Variants in CDH1 observed in about 807,000 individuals in gnomAD.
CDH1 encodes cadherin-1.
Under a neutral mutation model 84.5 loss-of-function variants are expected in CDH1, and 35 were observed. That is an observed-to-expected ratio of 0.41 (90% CI 0.32 to 0.55). CDH1 has a LOEUF of 0.55. CDH1 is among the 20% of genes least tolerant of loss of function. The probability of loss-of-function intolerance (pLI) is 0.19; values close to 1 mark genes in which losing one functional copy is unlikely to be tolerated. For synonymous variants in CDH1, 417 were observed against 439.0 expected, an observed-to-expected ratio of 0.95 and a Z score of 0.63; for missense variants, 994 against 1,126.6, an observed-to-expected ratio of 0.88 and a Z score of 1.68.
intron 2 of CDH1, among the ~76,000 whole-genome samples, chr16:68,779,669 C>T (rs1310576059): frequency 6.6e-6 from 1 of 152,090 alleles, no homozygotes; most frequent in Non-Finnish European, 1.5e-5. Context: ...CCATCCTGGC[C>T]AACATGATGA....
chr16:68,825,148 A>G (rs1192339822), intron 13 of CDH1, among the ~76,000 whole-genome samples: 1 of 152,186 alleles, frequency 6.6e-6, no homozygotes, highest in Non-Finnish European at 1.5e-5. Flanking sequence ...TAAAGATCAT[A>G]TATAATTAGT....
chr16:68,830,334 A>C (rs1961454503), intron 15 of CDH1, among the ~76,000 whole-genome samples: 1 of 152,110 alleles, frequency 6.6e-6, no homozygotes, highest in Non-Finnish European at 1.5e-5. Context: ...GGCAAAACCA[A>C]CAATTGCCTG....
At chr16:68,811,926 A>G (rs1388986477) in intron 7 of CDH1, 67 bp downstream of exon 7, 11 of 1,568,698 alleles carry the variant, frequency 7.0e-6, no homozygotes, top group African/African-American at 1.4e-5. Flanking sequence ...CCGTGGACAA[A>G]GCAAAATCCT....
intron 14 of CDH1, among the ~76,000 whole-genome samples, 200 bp downstream of exon 14, chr16:68,828,504 C>T (rs1961390638): frequency 6.6e-6 from 1 of 152,184 alleles, no homozygotes; most frequent in Admixed American, 6.5e-5. Flanking sequence ...TTATTGATCG[C>T]ATACTGTTCT....
rs773044699 is a variant in CDH1, at chr16:68,801,881, C to T, written c.375C>T (p.Pro125=). 8 of 1,613,556 alleles carry T rather than the reference C, an allele frequency of 5.0e-6. No homozygotes were observed. Among genetic ancestry groups the T allele is most frequent in the South Asian group, 1.1e-5 (1 of 91,066 alleles). ...TLNTVGHHHR[P]PPHQASVSGI... ...ATACAGTGGGGCACCACCACCGCCC[C>T]CCGCCCCATCAGGTATGTTGGCATT... is the stretch of plus-strand genomic sequence containing the variant. The change falls in exon 3 of 16, where the codon CCC becomes CCT. Residue 125 remains proline, a synonymous_variant. Transcript: ENST00000261769.
chr16:68,776,869 T>G (rs1959747027), intron 2 of CDH1, among the ~76,000 whole-genome samples: 1 of 152,210 alleles, frequency 6.6e-6, no homozygotes, highest in Non-Finnish European at 1.5e-5. Flanking sequence ...GTCCTGTTAT[T>G]TAGAGATTGC....
At position 68,829,517 on chromosome 16, in the gene CDH1, T is replaced by C. The variant is rs1961419199; in HGVS notation, c.2296-137T>C. The C allele has an allele frequency of 1.5e-5, 13 of 895,016 alleles. No homozygotes were observed. In the South Asian group the frequency reaches 1.9e-4, roughly 13 times the overall value. The allele number at this position is 895,016 out of a possible 1,614,324, so 55.4% of individuals were successfully genotyped here. ...GACTTTTAGCTTGAAAACTGTCATT[T>C]TGCATTAAACTGGTAAAGATCATAC... On this transcript the variant is annotated intron_variant, in intron 14 of 15. Coordinates refer to ENST00000261769, the MANE Select transcript of CDH1 (RefSeq NM_004360.5).
At chr16:68,813,921 A>C in intron 9 of CDH1, among the ~76,000 whole-genome samples, 1 of 146,704 alleles carries the variant, frequency 6.8e-6, no homozygotes, top group East Asian at 2.0e-4. Flanking sequence ...TGACAGAGCA[A>C]GACTCAGTCT....
At chr16:68,799,076 T>C (rs982963016) in intron 2 of CDH1, among the ~76,000 whole-genome samples, 1 of 152,232 alleles carries the variant, frequency 6.6e-6, no homozygotes, top group Non-Finnish European at 1.5e-5. Context: ...GTGATAACCT[T>C]TATGTTATAG....
At chr16:68,743,724 A>G (rs942642322) in intron 2 of CDH1, among the ~76,000 whole-genome samples, 1 of 152,098 alleles carries the variant, frequency 6.6e-6, no homozygotes, top group Non-Finnish European at 1.5e-5. Flanking sequence ...AAGGCTTTCA[A>G]AAAGGAGAAT....
chr16:68,793,237 T>G (rs565355843), intron 2 of CDH1, among the ~76,000 whole-genome samples: 6 of 152,276 alleles, frequency 3.9e-5, no homozygotes, highest in African/African-American at 1.4e-4. Context: ...TTATGCAAAG[T>G]GGTAACATAC....
chr16:68,819,344 A>G lies in CDH1; in HGVS notation c.1630A>G (p.Thr544Ala), dbSNP rs786202107. Residue 544 changes from threonine (T) to alanine (A), a missense_variant, in exon 11 of 16, where the codon ACT (threonine) becomes GCT (alanine). Thr to Ala is a moderately conservative substitution (Grantham distance 58). This residue lies in a region of CDH1 where 769 missense variants were observed against 881.8 expected (regional missense o/e 0.87). Transcript: ENST00000261769. The part of the protein sequence containing the change: ...EINPDTGAIS[T>A]RAELDREDFE... The stretch of plus-strand genomic sequence containing the variant: ...TAATCCGGACACTGGTGCCATTTCC[A>G]CTCGGGCTGAGCTGGACAGGGAGGA... 1.2e-6 allele frequency: 2 copies of G among 1,613,990 alleles called. No individual in the cohort carries two copies. Among genetic ancestry groups the G allele is most frequent in the Non-Finnish European group, 1.7e-6 (2 of 1,180,002 alleles).
rs1555515758 is a variant in CDH1 at position 68,812,240 on chromosome 16, C to A, written c.1114C>A (p.Pro372Thr). ...VITVTDTNDN[P>T]PIFNPTTYKG... is the part of the protein sequence containing the mutation. ...CACAGTCACTGACACCAACGATAAT[C>A]CTCCGATCTTCAATCCCACCACGGT... is the stretch of plus-strand genomic sequence containing the variant. The change falls in exon 8 of 16, where the codon CCT becomes ACT. Residue 372 changes from proline to threonine, a missense_variant. Coordinates refer to ENST00000261769, the MANE Select transcript of CDH1 (RefSeq NM_004360.5). 1 of 1,614,148 alleles carries A rather than the reference C, an allele frequency of 6.2e-7. No homozygotes were observed. Among genetic ancestry groups the A allele is most frequent in the South Asian group, 1.1e-5 (1 of 91,070 alleles).
intron 2 of CDH1, among the ~76,000 whole-genome samples, chr16:68,792,637 C>T (rs1212052271): frequency 1.3e-5 from 2 of 152,174 alleles, no homozygotes; most frequent in South Asian, 2.1e-4. Flanking sequence ...TTTGTCCAAG[C>T]AGAACCATGG....
At chr16:68,747,541 A>G (rs917425970) in intron 2 of CDH1, among the ~76,000 whole-genome samples, 2 of 152,256 alleles carry the variant, frequency 1.3e-5, no homozygotes, top group East Asian at 3.9e-4. Flanking sequence ...ACCCCAAACC[A>G]CGCTTCACCC....
chr16:68,750,691 C>G (rs1401229807), intron 2 of CDH1, among the ~76,000 whole-genome samples: 2 of 150,906 alleles, frequency 1.3e-5, no homozygotes, highest in African/African-American at 4.9e-5. Context: ...TACGCCTGTA[C>G]ACCTTCTTTC....
chr16:68,748,174 A>G (rs1285618330), intron 2 of CDH1, among the ~76,000 whole-genome samples: 2 of 140,740 alleles, frequency 1.4e-5, no homozygotes, highest in African/African-American at 2.7e-5. Flanking sequence ...GTGCAATGGC[A>G]TGATCTCGGC....
Position 68,801,682 on chromosome 16 carries a change from A to G in CDH1, c.176A>G (p.Asp59Gly). 6.2e-7 allele frequency: 1 copy of G among 1,613,802 alleles called. No homozygotes were observed. The highest frequency in any genetic ancestry group is 8.5e-7 in the Non-Finnish European group (1 of 1,179,778). The change falls in exon 3 of 16, where the codon GAT becomes GGT. Residue 59 changes from aspartate to glycine, a missense_variant. Coordinates refer to ENST00000261769, the MANE Select transcript of CDH1 (RefSeq NM_004360.5). ...TTCTGCCCTGCAGTGAATTTTGAAG[A>G]TTGCACCGGTCGACAAAGGACAGCC... Reference protein sequence around the residue: ...GRVLGRVNFEDCTGRQRTAYF... With the variant: ...GRVLGRVNFEGCTGRQRTAYF...
At chr16:68,738,626 AAAG>A (rs1962469727) in intron 2 of CDH1, among the ~76,000 whole-genome samples, 1 of 152,160 alleles carries the variant, frequency 6.6e-6, no homozygotes, top group African/African-American at 2.4e-5. Context: ...ACTATGTTAT[AAAG>A]AAGAGGAGGT....
Sources: gnomAD v4.1 joint callset for allele counts (sites outside exome capture counted in the v4.1 genomes callset) on GRCh38, gnomAD v4.1.1 for gene constraint, gnomAD v4.1.1 regional missense constraint, MANE v1.5 for transcripts, NCBI Gene and HGNC (gene_info 2026-07-23, HGNC 2026-07-21) for gene names.